The following CSNK2A2 variants were observed in gnomAD, a reference collection of about 807,000 sequenced individuals.
CSNK2A2 encodes the protein casein kinase II subunit alpha'.
A neutral mutation model predicts 54.0 loss-of-function variants in CSNK2A2; 8 were observed. The ratio of observed to expected loss-of-function variants is 0.15; its 90% CI spans 0.09 to 0.27. The LOEUF (loss-of-function observed/expected upper bound fraction) is 0.27. CSNK2A2 is among the 10% of genes least tolerant of loss of function. The pLI is 1.00. For synonymous variants in CSNK2A2, 141 were observed against 153.9 expected (o/e 0.92, Z 0.62); for missense variants, 242 against 439.4 (o/e 0.55, Z 4.02).
At chr16:58,196,422 A>G (rs146708741) in intron 2 of CSNK2A2, among the ~76,000 whole-genome samples, 409 of 152,236 alleles carry the variant, frequency 2.7e-3, no homozygotes, top group Non-Finnish European at 4.1e-3. Context: ...GGAGCTTAAG[A>G]CCAGCCTGGG....
chr16:58,158,973 CCAGAA>C (rs1961237094), intron 11 of CSNK2A2: 1 of 152,110 alleles, frequency 6.6e-6, no homozygotes, highest in South Asian at 2.1e-4. Context: ...GCAGTGCCTC[CCAGAA>C]CAGCACTACA....
At chr16:58,190,325 G>A (rs1490656268) in intron 2 of CSNK2A2, among the ~76,000 whole-genome samples, 2 of 151,934 alleles carry the variant, frequency 1.3e-5, no homozygotes, top group East Asian at 1.9e-4. Flanking sequence ...ACAGCTCCTA[G>A]CTCTCAAATT....
chr16:58,186,101 G>C (rs1353256575), intron 3 of CSNK2A2, among the ~76,000 whole-genome samples: 1 of 152,232 alleles, frequency 6.6e-6, no homozygotes. Context: ...GTACAAAAGT[G>C]GGGAGGTGAG....
intron 9 of CSNK2A2, among the ~76,000 whole-genome samples, chr16:58,165,969 A>G (rs903104282): frequency 6.6e-6 from 1 of 152,202 alleles, no homozygotes; most frequent in Non-Finnish European, 1.5e-5. Context: ...ATTATTTTTT[A>G]TGCTGTAGAC....
At chr16:58,167,997 T>C (rs995838310) in intron 6 of CSNK2A2, among the ~76,000 whole-genome samples, 1 of 152,128 alleles carries the variant, frequency 6.6e-6, no homozygotes, top group Non-Finnish European at 1.5e-5. Flanking sequence ...TTTGAAAAAA[T>C]TTTAAATTAT....
Position 58,185,405 on chromosome 16 carries a change from T to C in CSNK2A2, c.319-1095A>G, listed in dbSNP as rs1158981472. 3.9e-5 allele frequency among the ~76,000 whole-genome samples: 6 copies of C among 152,190 alleles called. No individual in the cohort carries two copies. The East Asian group carries it at 5.8e-4, about 15-fold the overall frequency. On this transcript the variant is annotated intron_variant, in intron 3 of 11. Transcript: ENST00000262506. ...ATAGACAAGGGGTCCCTGTTGATTT[T>C]TGTCATCTTCAACTTACTTGTCTTA...
intron 4 of CSNK2A2, among the ~76,000 whole-genome samples, chr16:58,182,401 A>AAC (rs1962071094): frequency 7.2e-6 from 1 of 138,030 alleles, no homozygotes; most frequent in South Asian, 2.6e-4. Context: ...AAAAAAAAAA[A>AAC]AAAACTAGCC....
At chr16:58,164,932 G>A (rs1022023690) in intron 10 of CSNK2A2, among the ~76,000 whole-genome samples, 2 of 152,210 alleles carry the variant, frequency 1.3e-5, no homozygotes, top group African/African-American at 4.8e-5. Flanking sequence ...GAAAGCGACT[G>A]AGGTAAGTCT....
intron 4 of CSNK2A2, among the ~76,000 whole-genome samples, chr16:58,178,518 G>A (rs915725692): frequency 3.3e-5 from 5 of 152,070 alleles, no homozygotes; most frequent in African/African-American, 9.7e-5. Context: ...CCGACCTCAG[G>A]TGATCTGCCT....
intron 2 of CSNK2A2, among the ~76,000 whole-genome samples, chr16:58,193,734 A>C (rs762233715): frequency 1.1e-4 from 16 of 152,352 alleles, no homozygotes; most frequent in Non-Finnish European, 4.4e-5. Flanking sequence ...TGATTTTTCA[A>C]AATCAAAAGA....
Position 58,160,399 on chromosome 16 carries a change from G to T in CSNK2A2, c.*18-2046C>A, listed in dbSNP as rs1961305345. The T allele has an allele frequency of 2.0e-5, 3 of 152,214 alleles. No individual in the cohort carries two copies. The East Asian group carries it at 5.8e-4, about 29-fold the overall frequency. 9.4% of individuals were successfully genotyped at this position (152,214 alleles called of 1,614,324 possible). A position where few individuals can be genotyped will look rare whatever the true frequency, so the allele number is the denominator to read the frequency against. ...CTAAAGTAACCATTTAATCTGAACT[G>T]GTATTAAAGGAAACTGTTAACCAGG... On this transcript the variant is annotated intron_variant, in intron 11 of 11. Coordinates refer to ENST00000262506, the MANE Select transcript of CSNK2A2 (RefSeq NM_001896.4).
intron 1 of CSNK2A2, 40 bp from the exon 2 acceptor site, chr16:58,196,884 G>T: frequency 7.6e-7 from 1 of 1,313,706 alleles, no homozygotes; most frequent in Non-Finnish European, 1.1e-6. Context: ...CAGGACTGGG[G>T]GTTAACCAAG....
Position 58,197,646 on chromosome 16 carries a change from C to T in CSNK2A2, c.91G>A (p.Val31Ile), listed in dbSNP as rs2142462017. ...CGACGGCTTTACCCCCAGCTCGGGA[C>T]GTGAGCCTCGTAGTCCCAGTACTCG... ...SREYWDYEAH[V>I]PSWGNQDDYQ... Residue 31 changes from valine to isoleucine, a missense_variant, in exon 1 of 12, where the codon GTC becomes ATC. By Grantham distance (29) the Val-to-Ile change is conservative. Around this residue, in one of 5 missense-constraint regions of CSNK2A2, gnomAD observed 48 missense variants for 55.4 expected, o/e 0.87. Coordinates refer to ENST00000262506, the MANE Select transcript of CSNK2A2 (RefSeq NM_001896.4). The surrounding 1 kb of genome is among the most constrained non-coding windows in gnomAD (Gnocchi z 4.0). 1 of 1,571,302 alleles carries T rather than the reference C, an allele frequency of 6.4e-7. No individual in the cohort carries two copies. Among genetic ancestry groups the T allele is most frequent in the South Asian group, 1.2e-5 (1 of 86,476 alleles).
At chr16:58,180,078 C>CAA (rs71385152) in intron 4 of CSNK2A2, among the ~76,000 whole-genome samples, 17,809 of 90,614 alleles carry the variant, frequency 0.2, 1,834 homozygotes, top group African/African-American at 0.38. Context: ...GACTCCTTCT[C>CAA]AAAAAAAAAA....
chr16:58,186,033 G>A (rs1053152694), intron 3 of CSNK2A2, among the ~76,000 whole-genome samples: 23 of 152,290 alleles, frequency 1.5e-4, no homozygotes, highest in African/African-American at 5.3e-4. Context: ...ATCATGGGAG[G>A]ATAACAGGGA....
chr16:58,162,837 A>G (rs926370259), intron 11 of CSNK2A2: 1 of 152,100 alleles, frequency 6.6e-6, no homozygotes, highest in Non-Finnish European at 1.5e-5. Flanking sequence ...TGGATCCAAC[A>G]CTTGCTCCGG....
At chr16:58,162,200 A>G (rs541989861) in intron 11 of CSNK2A2, 3 of 152,378 alleles carry the variant, frequency 2.0e-5, no homozygotes, top group Non-Finnish European at 2.9e-5. Flanking sequence ...AGGATTGCCT[A>G]TAAGGGCATA....
At chr16:58,195,700 A>T (rs1368753807) in intron 2 of CSNK2A2, among the ~76,000 whole-genome samples, 2 of 149,072 alleles carry the variant, frequency 1.3e-5, no homozygotes, top group Non-Finnish European at 2.9e-5. Context: ...CTACACAATC[A>T]GTTACCAGAA....
At chr16:58,174,661 C>T (rs187902198) in intron 4 of CSNK2A2, 151 bp from the exon 5 acceptor site, 295 of 476,818 alleles carry the variant, frequency 6.2e-4, no homozygotes, top group African/African-American at 5.6e-3. Flanking sequence ...AATGGGAAGA[C>T]TAAAGATGAA....
Sources: gnomAD v4.1 joint callset for allele counts (sites outside exome capture counted in the v4.1 genomes callset) on GRCh38, gnomAD v4.1.1 for gene constraint, gnomAD v4.1.1 regional missense constraint, Gnocchi (gnomAD v3.1) non-coding constraint, MANE v1.5 for transcripts, NCBI Gene and HGNC (gene_info 2026-07-23, HGNC 2026-07-21) for gene names.